CHD1L: variants seen among roughly 807,000 people sequenced by gnomAD.
CHD1L encodes the protein ATP-dependent chromatin remodeler CHD1L.
A neutral mutation model predicts 115.9 loss-of-function variants in CHD1L; 118 were observed. The ratio of observed to expected loss-of-function variants is 1.02; its 90% CI spans 0.88 to 1.19. CHD1L has a LOEUF of 1.19. CHD1L is among the 50% of genes most tolerant of loss of function. The pLI is 0.00. For missense variants in CHD1L, 1,179 were observed against 1,065.3 expected, an observed-to-expected ratio of 1.11 and a Z score of -1.49; for synonymous variants, 411 against 387.1, an observed-to-expected ratio of 1.06 and a Z score of -0.72.
chr1:147,265,835 A>T, intron 7 of CHD1L, 97 bp from the exon 8 acceptor site: 1 of 1,164,148 alleles, frequency 8.6e-7, no homozygotes, highest in Middle Eastern at 2.0e-4. Flanking sequence ...ATAAGCGTGA[A>T]ATAAGAAACA....
At chr1:147,185,337 G>GAAAC in the CHD1L span, among the ~76,000 whole-genome samples, 5,594 of 152,106 alleles carry the variant, frequency 0.037, 145 homozygotes, top group South Asian at 0.095. Context: ...TGCTAAAAGA[G>GAAAC]AAATTTATAT....
chr1:147,212,397 T>G, the CHD1L span: 1 of 1,614,008 alleles, frequency 6.2e-7, no homozygotes, highest in East Asian at 2.2e-5. Flanking sequence ...TCAAACCTGC[T>G]TGGCTGTTTG....
chr1:147,281,790 T>TA (rs1254030566), intron 15 of CHD1L, among the ~76,000 whole-genome samples: 110 of 151,500 alleles, frequency 7.3e-4, no homozygotes, highest in East Asian at 1.9e-3. Flanking sequence ...TCTACTTCTT[T>TA]AAAAAAATAT....
chr1:147,264,281 A>C (rs1398335654), intron 6 of CHD1L, 141 bp from the exon 7 acceptor site: 2 of 722,620 alleles, frequency 2.8e-6, no homozygotes, highest in African/African-American at 1.8e-5. Context: ...TGCAGCTTCA[A>C]CCTGAGCCAT....
At chr1:147,211,083 T>C in the CHD1L span, 1 of 152,232 alleles carries the variant, frequency 6.6e-6, no homozygotes, top group Non-Finnish European at 1.5e-5. Context: ...ATTAGTGGTG[T>C]GACAGTATTG....
upstream of CHD1L, among the ~76,000 whole-genome samples, chr1:147,239,601 T>C (rs1571499574): frequency 6.6e-6 from 1 of 152,160 alleles, no homozygotes; most frequent in Non-Finnish European, 1.5e-5. Context: ...CTTCCTTCCA[T>C]CCTGATCATC....
chr1:147,247,397 T>C (rs1666960166), intron 1 of CHD1L, among the ~76,000 whole-genome samples: 1 of 152,106 alleles, frequency 6.6e-6, no homozygotes, highest in Admixed American at 6.5e-5. Flanking sequence ...AGTGACTGAC[T>C]TCTTACTTAC....
chr1:147,222,308 C>T, the CHD1L span, among the ~76,000 whole-genome samples: 1 of 152,098 alleles, frequency 6.6e-6, no homozygotes, highest in Admixed American at 6.5e-5. Flanking sequence ...GCAGAGGTTG[C>T]AGTGAGCTGA....
intron 1 of CHD1L, among the ~76,000 whole-genome samples, chr1:147,247,457 T>G (rs1038050342): frequency 6.6e-6 from 1 of 152,104 alleles, no homozygotes; most frequent in East Asian, 1.9e-4. Context: ...CCCCCACGCC[T>G]TTCTTCCTCT....
chr1:147,213,517 T>A, the CHD1L span: 1 of 1,515,396 alleles, frequency 6.6e-7, no homozygotes, highest in Non-Finnish European at 8.9e-7. Flanking sequence ...GACATGACTC[T>A]CCTTGCATAG....
the CHD1L span, among the ~76,000 whole-genome samples, chr1:147,220,026 G>A: frequency 1.3e-5 from 2 of 152,028 alleles, no homozygotes; most frequent in African/African-American, 4.8e-5. Context: ...TTTTAGTAGA[G>A]ATGGGGTTTC....
At chr1:147,243,102 C>G (rs1553932230) in intron 1 of CHD1L, 1 of 294,462 alleles carries the variant, frequency 3.4e-6, no homozygotes, top group Non-Finnish European at 6.2e-6. Context: ...GGAGGGGAAA[C>G]GTGGTGAGAT....
In CHD1L at chr1:147,277,737, T is replaced by A. The variant is rs868921542; in HGVS notation, c.1539+1480T>A. 7.9e-5 allele frequency among the ~76,000 whole-genome samples: 12 copies of A among 152,284 alleles called. No homozygotes were observed. The Middle Eastern group carries it at 0.014, about 173-fold the overall frequency. ...TTGAGAGAGAGGTAGAGGTACGCTG[T>A]AGATACCCTTAAATGCAGTTTTCCA... is the stretch of plus-strand genomic sequence containing the variant. On this transcript the variant is annotated intron_variant, in intron 14 of 22. Transcript: ENST00000369258.
the CHD1L span, among the ~76,000 whole-genome samples, chr1:147,219,415 ATGT>A: frequency 6.6e-6 from 1 of 152,164 alleles, no homozygotes; most frequent in South Asian, 2.1e-4. Context: ...TTTTGTTAAA[ATGT>A]TGTTTGTACA....
intron 14 of CHD1L, among the ~76,000 whole-genome samples, chr1:147,279,004 G>A (rs79833764): frequency 6.6e-6 from 1 of 152,110 alleles, no homozygotes; most frequent in African/African-American, 2.4e-5. Flanking sequence ...TGAAAGGGAG[G>A]GTCCCAGTAT....
intron 15 of CHD1L, among the ~76,000 whole-genome samples, chr1:147,282,773 CTT>C (rs1277585831): frequency 1.3e-5 from 2 of 152,218 alleles, no homozygotes; most frequent in African/African-American, 4.8e-5. Context: ...AAGTCACACT[CTT>C]TTCCAGAAAG....
At chr1:147,180,994 C>A in the CHD1L span, among the ~76,000 whole-genome samples, 3 of 152,126 alleles carry the variant, frequency 2.0e-5, no homozygotes, top group South Asian at 6.2e-4. Flanking sequence ...GGTCTAGAGA[C>A]GAGTATTCAA....
intron 9 of CHD1L, 44 bp from the exon 10 acceptor site, chr1:147,268,738 C>T: frequency 6.5e-7 from 1 of 1,534,896 alleles, no homozygotes; most frequent in Non-Finnish European, 9.0e-7. Flanking sequence ...GGCTTCTGCC[C>T]TTACTGAGGG....
At chr1:147,237,305 G>A in the CHD1L span, among the ~76,000 whole-genome samples, 3 of 152,176 alleles carry the variant, frequency 2.0e-5, no homozygotes, top group African/African-American at 7.2e-5. Flanking sequence ...GCCCAGGTCT[G>A]CAGCTGTGGT....
Sources: gnomAD v4.1 joint callset for allele counts (sites outside exome capture counted in the v4.1 genomes callset) on GRCh38, gnomAD v4.1.1 for gene constraint, MANE v1.5 for transcripts, NCBI Gene and HGNC (gene_info 2026-07-23, HGNC 2026-07-21) for gene names.